NODAL: variants seen among roughly 807,000 people sequenced by gnomAD.
NODAL encodes the protein nodal growth differentiation factor, also known as nodal homolog.
Under a neutral mutation model 34.0 loss-of-function variants are expected in NODAL, and 12 were observed. The ratio of observed to expected loss-of-function variants is 0.35; its 90% CI spans 0.23 to 0.57. NODAL has a LOEUF of 0.57. NODAL is among the 20% of genes least tolerant of loss of function. The pLI, the probability that NODAL is intolerant of heterozygous loss-of-function variation, is 0.83. For synonymous variants in NODAL, 162 were observed against 186.4 expected (o/e 0.87, Z 1.07); for missense variants, 390 against 444.2 (o/e 0.88, Z 1.10).
rs1169819833 is a variant in NODAL at position 70,433,204 on chromosome 10, T to TA, written c.892-117dup. The TA allele has an allele frequency of 2.7e-6, 3 of 1,121,932 alleles. No individual in the cohort carries two copies. In the African/African-American group the frequency reaches 4.6e-5, roughly 17 times the overall value. 69.5% of individuals were successfully genotyped at this position (1,121,932 alleles called of 1,614,324 possible). A position where few individuals can be genotyped will look rare whatever the true frequency, so the allele number is the denominator to read the frequency against. ...TAAAGTCAGTTCCTGAGTGCAAAAATAGCAGAAAATTATTTTCATAAAGGA... is the reference window on the plus strand; with the variant it reads ...TAAAGTCAGTTCCTGAGTGCAAAAATAAGCAGAAAATTATTTTCATAAAGGA... On this transcript the variant is annotated intron_variant, in intron 2 of 2. Coordinates refer to ENST00000287139, the MANE Select transcript of NODAL (RefSeq NM_018055.5).
upstream of NODAL, among the ~76,000 whole-genome samples, chr10:70,442,409 C>T (rs1467432408): frequency 1.3e-5 from 2 of 152,254 alleles, no homozygotes; most frequent in South Asian, 2.1e-4. Flanking sequence ...TTGTTGCCCA[C>T]ATCCCCCAAT....
chr10:70,446,966 C>T (rs765927551), intron 1 of NODAL, among the ~76,000 whole-genome samples: 2 of 152,080 alleles, frequency 1.3e-5, no homozygotes, highest in African/African-American at 4.8e-5. Flanking sequence ...TTATCTCCCC[C>T]GGTAAACTCC....
At chr10:70,444,687 T>C (rs1366365154), upstream of NODAL, among the ~76,000 whole-genome samples, 1 of 152,192 alleles carries the variant, frequency 6.6e-6, no homozygotes, top group Non-Finnish European at 1.5e-5. Flanking sequence ...TTGTTGCAGT[T>C]TGTAACCCAC....
At chr10:70,438,730 CTG>C (rs1227875328) in intron 1 of NODAL, among the ~76,000 whole-genome samples, 3 of 152,192 alleles carry the variant, frequency 2.0e-5, no homozygotes, top group Admixed American at 6.5e-5. Context: ...TGAAAGAAGT[CTG>C]TGACCCTTCC....
At chr10:70,441,322 A>T (rs1229381198) in intron 1 of NODAL, among the ~76,000 whole-genome samples, 153 bp downstream of exon 1, 2 of 152,220 alleles carry the variant, frequency 1.3e-5, no homozygotes, top group Non-Finnish European at 2.9e-5. Flanking sequence ...AGACACCCGC[A>T]GAGCTAGGCC....
chr10:70,442,306 C>T (rs1262771070), upstream of NODAL, among the ~76,000 whole-genome samples: 2 of 152,244 alleles, frequency 1.3e-5, no homozygotes, highest in Non-Finnish European at 2.9e-5. Context: ...GAAGCTGGAG[C>T]CAGATGGAGC....
chr10:70,441,717 G>C, upstream of NODAL: 1 of 1,527,516 alleles, frequency 6.5e-7, no homozygotes, highest in Non-Finnish European at 8.9e-7. Flanking sequence ...TATATCCTGG[G>C]CCTCAGCAGC....
intron 1 of NODAL, among the ~76,000 whole-genome samples, chr10:70,437,934 A>G (rs996322886): frequency 6.6e-6 from 1 of 152,136 alleles, no homozygotes; most frequent in African/African-American, 2.4e-5. Flanking sequence ...GGAGGAGGCT[A>G]ACATTACTCA....
At chr10:70,441,735 C>A (rs1192120138), upstream of NODAL, 7 of 1,480,864 alleles carry the variant, frequency 4.7e-6, no homozygotes, top group Non-Finnish European at 6.4e-6. Flanking sequence ...AGCCGCCCCG[C>A]CCCCACCTTT....
chr10:70,440,044 C>G (rs966466727), intron 1 of NODAL, among the ~76,000 whole-genome samples: 9 of 152,150 alleles, frequency 5.9e-5, no homozygotes, highest in Admixed American at 5.2e-4. Flanking sequence ...TGCACTCCAG[C>G]CTGGGCAACA....
chr10:70,436,343 G>A, intron 1 of NODAL: 1 of 345,948 alleles, frequency 2.9e-6, no homozygotes, highest in Admixed American at 3.9e-5. Context: ...GTGATGAGTT[G>A]CATCTCCCCC....
At chr10:70,434,535 G>T (rs1354101970) in intron 2 of NODAL, among the ~76,000 whole-genome samples, 1 of 152,154 alleles carries the variant, frequency 6.6e-6, no homozygotes, top group East Asian at 1.9e-4. Context: ...GCTGATTTTT[G>T]TATTTTTAGT....
Position 70,432,746 on chromosome 10 carries a change from C to A in NODAL, c.*190G>T. On this transcript the variant is annotated 3_prime_UTR_variant, in exon 3 of 3. Coordinates refer to ENST00000287139, the MANE Select transcript of NODAL (RefSeq NM_018055.5). ...CTTCCTCCCTCTTCCTGACAGCAGC[C>A]TCTGTGCTTGGCCAGACTCCACTGA... is the stretch of plus-strand genomic sequence containing the variant. The A allele has an allele frequency of 1.5e-6, 1 of 658,516 alleles. No homozygotes were observed. The allele number at this position is 658,516 out of a possible 1,614,324, so 40.8% of individuals were successfully genotyped here. A position where few individuals can be genotyped will look rare whatever the true frequency, so the allele number is the denominator to read the frequency against.
chr10:70,432,960 G>A lies in NODAL; in HGVS notation c.1020C>T (p.Ile340=), dbSNP rs142286836. ...RVLLDHHKDM[I]VEECGCL The stretch of plus-strand genomic sequence containing the variant: ...ATCAGAGGCACCCACATTCTTCCAC[G>A]ATCATGTCTTTATGGTGATCTAGGA... Residue 340 remains isoleucine (I), a synonymous_variant, in exon 3 of 3, where the codon ATC becomes ATT. Coordinates refer to ENST00000287139, the MANE Select transcript of NODAL (RefSeq NM_018055.5). 29 of 1,613,992 alleles carry A rather than the reference G, an allele frequency of 1.8e-5. No individual in the cohort carries two copies. The highest frequency in any genetic ancestry group is 1.6e-4 in the African/African-American group (12 of 74,974).
In NODAL at chr10:70,441,458, C is replaced by T. The variant is rs372181974; in HGVS notation, c.193+17G>A. 56 of 1,562,600 alleles carry T rather than the reference C, an allele frequency of 3.6e-5. No individual in the cohort carries two copies. The African/African-American group carries it at 7.1e-4, about 20-fold the overall frequency. On this transcript the variant is annotated intron_variant, in intron 1 of 2. Transcript: ENST00000287139. ...CCCGGGGGTGCCCAGCAGGGCGCGG[C>T]ACGCGGCACTGCCTACCTTCTGCCT... is the stretch of plus-strand genomic sequence containing the variant.
intron 2 of NODAL, among the ~76,000 whole-genome samples, chr10:70,434,047 C>T (rs1845308271): frequency 2.0e-5 from 3 of 152,136 alleles, no homozygotes; most frequent in Admixed American, 1.3e-4. Flanking sequence ...CAGGGACTCC[C>T]TTGCATGACC....
Position 70,440,921 on chromosome 10 carries a change from C to T in NODAL, c.193+554G>A, listed in dbSNP as rs1589154311. Among the ~76,000 whole-genome samples the T allele has an allele frequency of 2.0e-5, 3 of 152,128 alleles. No individual in the cohort carries two copies. The East Asian group carries it at 5.8e-4, about 29-fold the overall frequency. On this transcript the variant is annotated intron_variant, in intron 1 of 2. Coordinates refer to ENST00000287139, the MANE Select transcript of NODAL (RefSeq NM_018055.5). ...TACTCCCGACGTCACACCCCGGGACCCATTCACCCTCACTCGCAGAAAGAA... is the reference window on the plus strand; with the variant it reads ...TACTCCCGACGTCACACCCCGGGACTCATTCACCCTCACTCGCAGAAAGAA...
upstream of NODAL, among the ~76,000 whole-genome samples, chr10:70,444,828 G>A (rs1389758326): frequency 6.6e-6 from 1 of 152,136 alleles, no homozygotes; most frequent in East Asian, 1.9e-4. Flanking sequence ...TGATGCATGC[G>A]GGTATTATTG....
At chr10:70,444,813 G>C (rs28470685), upstream of NODAL, among the ~76,000 whole-genome samples, 902 of 152,304 alleles carry the variant, frequency 5.9e-3, 10 homozygotes, top group African/African-American at 0.021. Flanking sequence ...TGTCACCGTA[G>C]AGGATGATGC....
Sources: allele counts gnomAD v4.1 joint callset (sites outside exome capture counted in the v4.1 genomes callset), GRCh38; gene constraint gnomAD v4.1.1; transcripts MANE v1.5; gene names NCBI Gene and HGNC (gene_info 2026-07-23, HGNC 2026-07-21).